ROBO2: variants seen among roughly 807,000 people sequenced by gnomAD.
The protein encoded by ROBO2 is roundabout guidance receptor 2.
A neutral mutation model predicts 160.8 loss-of-function variants in ROBO2; 53 were observed. The observed-to-expected ratio is 0.33, with a 90% CI of 0.26 to 0.41. ROBO2 has a LOEUF of 0.41. Among genes scored for constraint, ROBO2 ranks in the 10% least tolerant of loss-of-function variants. The pLI is 1.00. For synonymous variants in ROBO2, 664 were observed against 611.7 expected (o/e 1.09, Z -1.26); for missense variants, 1,577 against 1,722.4 (o/e 0.92, Z 1.49).
intron 2 of ROBO2, among the ~76,000 whole-genome samples, chr3:77,382,046 G>T (rs1041761104): frequency 6.6e-6 from 1 of 152,084 alleles, no homozygotes; most frequent in Non-Finnish European, 1.5e-5. Context: ...GATGTTTGCA[G>T]AGAACCTAAA....
At chr3:76,663,389 CT>C (rs1373562627) in intron 2 of ROBO2, among the ~76,000 whole-genome samples, 4 of 152,166 alleles carry the variant, frequency 2.6e-5, no homozygotes, top group African/African-American at 9.7e-5. Flanking sequence ...TTTTGCCGTC[CT>C]TACTGAAGGG....
intron 2 of ROBO2, among the ~76,000 whole-genome samples, chr3:76,882,852 T>C (rs1319469865): frequency 6.6e-6 from 1 of 152,224 alleles, no homozygotes; most frequent in Non-Finnish European, 1.5e-5. Flanking sequence ...TTTAAGCTAC[T>C]CCATCTTTGA....
chr3:76,829,484 AAAAG>A (rs892406599), intron 2 of ROBO2, among the ~76,000 whole-genome samples: 10 of 152,020 alleles, frequency 6.6e-5, no homozygotes, highest in South Asian at 2.1e-4. Context: ...ATAATAAAAA[AAAAG>A]AAAGAAAGAA....
chr3:77,387,708 A>G (rs1451260427), intron 2 of ROBO2, among the ~76,000 whole-genome samples: 1 of 152,012 alleles, frequency 6.6e-6, no homozygotes, highest in Non-Finnish European at 1.5e-5. Context: ...CTAAGCAGAT[A>G]GCTACAGGCA....
At chr3:76,270,863 G>A (rs867788521) in intron 2 of ROBO2, among the ~76,000 whole-genome samples, 1 of 151,974 alleles carries the variant, frequency 6.6e-6, no homozygotes, top group Admixed American at 6.6e-5. Flanking sequence ...GCTTGAAGAC[G>A]CTGGACAAGC....
intron 2 of ROBO2, among the ~76,000 whole-genome samples, chr3:76,836,682 T>C (rs2067722787): frequency 6.6e-6 from 1 of 151,856 alleles, no homozygotes; most frequent in Admixed American, 6.6e-5. Flanking sequence ...TATTTGGGAA[T>C]TTTCTAGATA....
chr3:76,391,647 G>A (rs1164542156), intron 2 of ROBO2, among the ~76,000 whole-genome samples: 2 of 151,790 alleles, frequency 1.3e-5, no homozygotes, highest in African/African-American at 2.4e-5. Context: ...TCAGGCTCCC[G>A]GACTACAGGT....
At chr3:77,455,515 T>G (rs2081537974) in intron 2 of ROBO2, among the ~76,000 whole-genome samples, 1 of 152,126 alleles carries the variant, frequency 6.6e-6, no homozygotes, top group South Asian at 2.1e-4. Flanking sequence ...CACCGCAACA[T>G]CCAACTCCCT....
At chr3:77,355,644 A>G (rs1347061953) in intron 2 of ROBO2, among the ~76,000 whole-genome samples, 1 of 152,212 alleles carries the variant, frequency 6.6e-6, no homozygotes, top group Non-Finnish European at 1.5e-5. Flanking sequence ...AATAATTTCA[A>G]AACATTTAAT....
At position 76,234,505 on chromosome 3, in the gene ROBO2, G is replaced by A. The variant is rs146410547; in HGVS notation, c.109+296903G>A. On this transcript the variant is annotated intron_variant, in intron 2 of 26. Coordinates refer to the ROBO2 transcript ENST00000487694. ...AACCTAACAGGTTTTCACCAGCAGC[G>A]TAAAAGTGTTCCCTTCTCTCCACAA... is the stretch of plus-strand genomic sequence containing the variant. Among the ~76,000 whole-genome samples the A allele has an allele frequency of 1.1e-3, 175 of 152,206 alleles. 2 individuals carry two copies. The highest frequency in any genetic ancestry group is 6.8e-3 in the Middle Eastern group (2 of 294).
intron 2 of ROBO2, among the ~76,000 whole-genome samples, chr3:77,389,760 T>TA (rs975465114): frequency 4.6e-5 from 7 of 151,754 alleles, no homozygotes; most frequent in Non-Finnish European, 7.4e-5. Flanking sequence ...AACTTTTTTT[T>TA]AAAAAAAAGA....
At chr3:77,415,763 A>G (rs2153527081) in intron 2 of ROBO2, among the ~76,000 whole-genome samples, 1 of 152,256 alleles carries the variant, frequency 6.6e-6, no homozygotes, top group African/African-American at 2.4e-5. Context: ...GCCGGTAACC[A>G]CAGAGACCTA....
chr3:77,424,683 A>G (rs2078015755), intron 2 of ROBO2, among the ~76,000 whole-genome samples: 2 of 152,134 alleles, frequency 1.3e-5, no homozygotes, highest in East Asian at 1.9e-4. Context: ...TCCCCATGAA[A>G]TTGTTTCCAT....
intron 16 of ROBO2, among the ~76,000 whole-genome samples, chr3:77,587,759 A>G (rs575933554): frequency 6.6e-6 from 1 of 152,214 alleles, no homozygotes; most frequent in African/African-American, 2.4e-5. Flanking sequence ...CATTCCTTTG[A>G]TGTGATATGC....
chr3:77,086,498 T>A (rs1446423328), intron 1 of ROBO2, among the ~76,000 whole-genome samples: 3 of 152,166 alleles, frequency 2.0e-5, no homozygotes, highest in Non-Finnish European at 4.4e-5. Context: ...CTTTATCATT[T>A]CTTAAAAACG....
chr3:76,233,652 A>G (rs1704758266), intron 2 of ROBO2, among the ~76,000 whole-genome samples: 1 of 152,178 alleles, frequency 6.6e-6, no homozygotes, highest in South Asian at 2.1e-4. Flanking sequence ...TCAAAGCTGA[A>G]CGTAATTACT....
At chr3:76,937,282 C>T (rs1577637785) in intron 2 of ROBO2, among the ~76,000 whole-genome samples, 1 of 152,178 alleles carries the variant, frequency 6.6e-6, no homozygotes, top group Admixed American at 6.5e-5. Flanking sequence ...CTGTGGCATG[C>T]TATGCTACCT....
intron 2 of ROBO2, among the ~76,000 whole-genome samples, chr3:77,436,131 A>G (rs2079257929): frequency 1.3e-5 from 2 of 151,196 alleles, no homozygotes; most frequent in African/African-American, 4.8e-5. Flanking sequence ...AGGTTCTCTA[A>G]TGCATGTTTT....
intron 23 of ROBO2, chr3:77,631,494 T>G (rs1490547472): frequency 6.6e-6 from 1 of 152,164 alleles, no homozygotes; most frequent in East Asian, 1.9e-4. Flanking sequence ...TCTAACAAAT[T>G]TAGGATAAGC....
Sources: gnomAD v4.1 joint callset for allele counts (sites outside exome capture counted in the v4.1 genomes callset) on GRCh38, gnomAD v4.1.1 for gene constraint, MANE v1.5 for transcripts, NCBI Gene and HGNC (gene_info 2026-07-23, HGNC 2026-07-21) for gene names.